Variants in DUSP15 observed in about 807,000 individuals in gnomAD.
The protein encoded by DUSP15 is dual specificity phosphatase 15.
A neutral mutation model predicts 26.3 loss-of-function variants in DUSP15; 23 were observed. The ratio of observed to expected loss-of-function variants is 0.87; its 90% confidence interval spans 0.63 to 1.24. The LOEUF is 1.24. Ranked by LOEUF, DUSP15 falls within the 50% of genes most tolerant of loss-of-function variation. DUSP15 has a pLI of 0.00. For synonymous variants in DUSP15, 143 were observed against 135.5 expected (o/e 1.06, Z -0.39); for missense variants, 364 against 320.6 (o/e 1.14, Z -1.03).
In DUSP15 at chr20:31,849,778, G is replaced by T. The variant is rs753068385; in HGVS notation, c.588C>A (p.Ala196=). The T allele has an allele frequency of 7.1e-6, 11 of 1,539,028 alleles. No individual in the cohort carries two copies. The East Asian group carries it at 2.7e-4, about 37-fold the overall frequency. The change falls in exon 8 of 10, where the codon GCC becomes GCA. Residue 196 remains alanine, a synonymous_variant. Coordinates refer to the DUSP15 transcript ENST00000278979. The stretch of plus-strand genomic sequence containing the variant: ...GTGGCGGCCCCAGCAGGCGCTCGGC[G>T]GCCGCCCGCGGACTCAGACGACAGC...
chr20:31,869,872 A>T (rs1568710012), intron 1 of DUSP15: 3 of 1,386,894 alleles, frequency 2.2e-6, no homozygotes, highest in Non-Finnish European at 1.9e-6. Flanking sequence ...AGGTCTTAGG[A>T]GGAGAGGAGA....
chr20:31,861,520 C>T lies in DUSP15; in HGVS notation c.591G>A (p.Val197=), dbSNP rs2062651220. ...GGGGCGTGCGCGGCACCAGGCGCTG[C>T]ACGGTTCCCTCGGAGGCTGCTGAGT... The part of the protein sequence containing the change: ...GPHSAASEGT[V]QRLVPRTPRE... Residue 197 remains valine, a synonymous_variant, in exon 7 of 7, where the codon GTG becomes GTA. Coordinates refer to ENST00000339738, the MANE Select transcript of DUSP15 (RefSeq NM_080611.5). The T allele has an allele frequency of 1.3e-6, 2 of 1,524,496 alleles. No homozygotes were observed. Among genetic ancestry groups the T allele is most frequent in the Non-Finnish European group, 1.7e-6 (2 of 1,144,762 alleles). The allele number at this position is 1,524,496 out of a possible 1,614,324, so 94.4% of individuals were successfully genotyped here. A position where few individuals can be genotyped will look rare whatever the true frequency, so the allele number is the denominator to read the frequency against.
intron 4 of DUSP15, chr20:31,864,195 CCAGT>C: frequency 7.4e-7 from 1 of 1,355,296 alleles, no homozygotes; most frequent in African/African-American, 1.5e-5. Context: ...GTGAGAGAGA[CCAGT>C]CAGGACAAAT....
intron 2 of DUSP15, 28 bp from the exon 3 acceptor site, chr20:31,867,181 T>C: frequency 1.3e-6 from 2 of 1,560,722 alleles, no homozygotes; most frequent in Non-Finnish European, 1.7e-6. Flanking sequence ...CTTGAGCCAA[T>C]CTGGCTGGCG....
downstream of DUSP15, among the ~76,000 whole-genome samples, chr20:31,847,456 G>A (rs186624513): frequency 1.5e-3 from 229 of 152,284 alleles, no homozygotes; most frequent in Non-Finnish European, 2.8e-3. Context: ...TTCAAGAAAT[G>A]TCTGCTAAAT....
At chr20:31,863,078 G>T (rs907011757) in intron 5 of DUSP15, among the ~76,000 whole-genome samples, 5 of 32,068 alleles carry the variant, frequency 1.6e-4, no homozygotes, top group South Asian at 1.8e-3. Context: ...GTATGGCTGG[G>T]GGGGGGGGAC....
At chr20:31,870,578 C>A (rs768192294), upstream of DUSP15, 1 of 1,452,046 alleles carries the variant, frequency 6.9e-7, no homozygotes, top group Admixed American at 2.5e-5. This position sits in a 1 kb window ranked among gnomAD's most constrained non-coding sequence, Gnocchi z 6.6. Flanking sequence ...CCTCCTACCC[C>A]TTCGGTCATG....
chr20:31,848,482 G>T, exon 10 of DUSP15: 2 of 1,611,946 alleles, frequency 1.2e-6, no homozygotes, highest in Non-Finnish European at 1.7e-6. Flanking sequence ...CATCGGGGTT[G>T]CCAGGGGTTG....
rs922187555 is a variant in DUSP15, at chr20:31,848,547, G to T, written c.745C>A (p.Pro249Thr). 4 of 1,579,230 alleles carry T rather than the reference G, an allele frequency of 2.5e-6. No homozygotes were observed. The African/African-American group carries it at 4.1e-5, about 16-fold the overall frequency. ...CTTAGAGTGCAGGACGAGCTCCCAG[G>T]CCGAAGCTGCACCTGCACCTGCGGG... Residue 249 changes from proline to threonine, a missense_variant, in exon 10 of 10, where the codon CCT (proline) becomes ACT (threonine). Coordinates refer to the DUSP15 transcript ENST00000278979.
chr20:31,855,670 C>G (rs4911533), intron 6 of DUSP15, among the ~76,000 whole-genome samples: 32,817 of 152,078 alleles, frequency 0.22, 3,792 homozygotes, highest in East Asian at 0.38. Context: ...TATATGCATA[C>G]GTCTTAAGGG....
At chr20:31,867,805 C>T (rs1221181057) in intron 2 of DUSP15, among the ~76,000 whole-genome samples, 4 of 152,008 alleles carry the variant, frequency 2.6e-5, no homozygotes, top group Admixed American at 6.6e-5. Context: ...CCACCACACC[C>T]GGCTAATTTT....
downstream of DUSP15, among the ~76,000 whole-genome samples, chr20:31,856,426 A>T (rs1414212931): frequency 6.6e-6 from 1 of 152,054 alleles, no homozygotes; most frequent in African/African-American, 2.4e-5. Context: ...GATCCCTCTT[A>T]AGGACTGCGG....
chr20:31,846,332 C>T (rs1438938759), downstream of DUSP15, among the ~76,000 whole-genome samples: 1 of 149,728 alleles, frequency 6.7e-6, no homozygotes, highest in African/African-American at 2.5e-5. Flanking sequence ...ACGTAGTATA[C>T]GGAGAAAGTG....
intron 6 of DUSP15, among the ~76,000 whole-genome samples, chr20:31,853,339 G>A (rs987078035): frequency 1.2e-4 from 19 of 152,080 alleles, no homozygotes; most frequent in African/African-American, 4.1e-4. Flanking sequence ...GCTATCTGCC[G>A]AGCCATAGAA....
chr20:31,866,931 TAA>T, intron 3 of DUSP15, 138 bp downstream of exon 3: 1 of 806,132 alleles, frequency 1.2e-6, no homozygotes, highest in Non-Finnish European at 1.9e-6. Context: ...GATGATAATG[TAA>T]AATGGCCCAG....
intron 6 of DUSP15, among the ~76,000 whole-genome samples, chr20:31,852,985 G>A (rs1488458869): frequency 6.6e-6 from 1 of 152,004 alleles, no homozygotes; most frequent in African/African-American, 2.4e-5. Context: ...GGAGGATTGG[G>A]GATGGGGGCC....
At chr20:31,851,253 A>G (rs1448815484) in intron 6 of DUSP15, among the ~76,000 whole-genome samples, 1 of 151,934 alleles carries the variant, frequency 6.6e-6, no homozygotes, top group East Asian at 1.9e-4. Context: ...GATGAAAGGT[A>G]TGCGGGACAG....
chr20:31,865,090 CA>C (rs2123282573), intron 3 of DUSP15, 88 bp from the exon 4 acceptor site: 1 of 1,442,582 alleles, frequency 6.9e-7, no homozygotes, highest in Non-Finnish European at 9.7e-7. Flanking sequence ...GGCATAACCC[CA>C]GCCCAGTTCC....
chr20:31,862,425 G>A, intron 6 of DUSP15, 146 bp downstream of exon 6: 3 of 895,920 alleles, frequency 3.3e-6, no homozygotes, highest in Non-Finnish European at 1.7e-6. Flanking sequence ...CCTAGGAGGT[G>A]GATTAGCTCA....
Sources: gnomAD v4.1 joint callset for allele counts (sites outside exome capture counted in the v4.1 genomes callset) on GRCh38, gnomAD v4.1.1 for gene constraint, Gnocchi (gnomAD v3.1) non-coding constraint, MANE v1.5 for transcripts, NCBI Gene and HGNC (gene_info 2026-07-23, HGNC 2026-07-21) for gene names.